The following MCM4 variants were observed in gnomAD, a reference collection of about 807,000 sequenced individuals.
The protein encoded by MCM4 is minichromosome maintenance complex component 4, also known as DNA replication licensing factor MCM4.
MCM4 carries 60 observed loss-of-function variants against 88.7 expected under a neutral mutation model. The ratio of observed to expected loss-of-function variants is 0.68; its 90% CI spans 0.55 to 0.84. MCM4 has a LOEUF of 0.84. Among genes scored for constraint, MCM4 ranks in the 40% least tolerant of loss-of-function variants. MCM4 has a pLI of 0.00. For missense variants in MCM4, 1,149 were observed against 1,105.5 expected (o/e 1.04, Z -0.56); for synonymous variants, 465 against 410.5 (o/e 1.13, Z -1.61).
Position 47,972,345 on chromosome 8 carries a change from G to A in MCM4, c.1929-512G>A, listed in dbSNP as rs529544029. Among the ~76,000 whole-genome samples the A allele has an allele frequency of 4.6e-5, 7 of 151,862 alleles. No homozygotes were observed. In the South Asian group the frequency reaches 1.0e-3, roughly 23 times the overall value. On this transcript the variant is annotated intron_variant, in intron 13 of 16. Coordinates refer to ENST00000649973, the MANE Select transcript of MCM4 (RefSeq NM_182746.3). ...TTGGTCCCCAGCCGTTCCCTGGGCC[G>A]ACCTAAGGACTAGGGACAGCACAGG...
intron 11 of MCM4, 97 bp downstream of exon 11, chr8:47,970,154 G>C: frequency 7.1e-7 from 1 of 1,403,896 alleles, no homozygotes; most frequent in Non-Finnish European, 9.7e-7. Context: ...CCGCCATAAA[G>C]GACAGAGTTG....
Position 47,962,768 on chromosome 8 carries a change from T to G in MCM4, c.506T>G (p.Phe169Cys). The G allele has an allele frequency of 1.3e-5, 20 of 1,596,738 alleles. No individual in the cohort carries two copies. Among genetic ancestry groups the G allele is most frequent in the Non-Finnish European group, 1.6e-5 (19 of 1,172,920 alleles). ...CAGTTTTCTCTCCACTTAAAGAGAT[T>G]TCTTCAGCGTTTTATTGACCCTCTG... ...VAACKENFQR[F>C]LQRFIDPLAK... is the part of the protein sequence containing the mutation. Residue 169 changes from phenylalanine (F) to cysteine (C), a missense_variant, in exon 6 of 17, where the codon TTT (phenylalanine) becomes TGT (cysteine). Around this residue, in one of 3 missense-constraint regions of MCM4, gnomAD observed 906 missense variants for 843.0 expected, o/e 1.07. Transcript: ENST00000649973.
chr8:47,971,162 C>T (rs1474371678), intron 12 of MCM4, among the ~76,000 whole-genome samples, 179 bp from the exon 13 acceptor site: 1 of 152,182 alleles, frequency 6.6e-6, no homozygotes, highest in African/African-American at 2.4e-5. Flanking sequence ...CAGTCCTTGG[C>T]ATGAATCTGA....
In MCM4 at chr8:47,970,647, A is replaced by G. The variant is rs750952241; in HGVS notation, c.1571A>G (p.Tyr524Cys). The G allele has an allele frequency of 6.2e-7, 1 of 1,614,192 alleles. No individual in the cohort carries two copies. Among genetic ancestry groups the G allele is most frequent in the Admixed American group, 1.7e-5 (1 of 60,016 alleles). ...TSKSQLLQYV[Y>C]NLVPRGQYTS... is the part of the protein sequence containing the mutation. Reference sequence around the variant, plus strand: ...AAGTCCCAGCTGCTGCAGTACGTGTACAACCTCGTCCCCAGGGGCCAGTAC... The same window carrying G: ...AAGTCCCAGCTGCTGCAGTACGTGTGCAACCTCGTCCCCAGGGGCCAGTAC... The change falls in exon 12 of 17, where the codon TAC becomes TGC. Residue 524 changes from tyrosine (Y) to cysteine (C), a missense_variant. By Grantham distance (194) the Tyr-to-Cys change is radical. Transcript: ENST00000649973.
intron 2 of MCM4, 72 bp from the exon 3 acceptor site, chr8:47,961,444 A>G: frequency 6.2e-7 from 1 of 1,610,664 alleles, no homozygotes; most frequent in Non-Finnish European, 8.5e-7. Context: ...ATAATGCCCC[A>G]AGGAAAAGAC....
rs2154504990 is a variant in MCM4 at position 47,962,053 on chromosome 8, C to T, written c.236C>T (p.Ala79Val). The change falls in exon 4 of 17, where the codon GCT becomes GTT. Residue 79 changes from alanine (A) to valine (V), a missense_variant and splice_region_variant. Physicochemically the swap from Ala to Val is moderately conservative, Grantham distance 64 (BLOSUM62 0). Around this residue, in one of 3 missense-constraint regions of MCM4, gnomAD observed 906 missense variants for 843.0 expected, o/e 1.07. Coordinates refer to ENST00000649973, the MANE Select transcript of MCM4 (RefSeq NM_182746.3). ...GAATTTCCTAATTTTGTTTTTATAG[C>T]TATCCCTCTTGACTTTGATGTTAGT... is the stretch of plus-strand genomic sequence containing the variant. ...FSSPPQMHSS[A>V]IPLDFDVSSP... is the part of the protein sequence containing the mutation. 3 of 1,613,854 alleles carry T rather than the reference C, an allele frequency of 1.9e-6. No individual in the cohort carries two copies. Among genetic ancestry groups the T allele is most frequent in the Non-Finnish European group, 1.7e-6 (2 of 1,179,872 alleles).
chr8:47,962,511 T>A, intron 5 of MCM4, 105 bp downstream of exon 5: 3 of 1,155,976 alleles, frequency 2.6e-6, no homozygotes, highest in Non-Finnish European at 3.8e-6. Flanking sequence ...GGGCCACCTG[T>A]GGTGGCTCAC....
In MCM4 at chr8:47,962,093, C is replaced by T. The variant is rs750765683; in HGVS notation, c.276C>T (p.Tyr92=). The change falls in exon 4 of 17, where the codon TAC becomes TAT. Residue 92 remains tyrosine, a synonymous_variant. Transcript: ENST00000649973. ...TTGATGTTAGTTCACCACTGACATA[C>T]GGCACTCCCAGCTCTCGGGTAGAGG... ...LDFDVSSPLT[Y]GTPSSRVEGT... The T allele has an allele frequency of 4.1e-5, 66 of 1,614,002 alleles. No individual in the cohort carries two copies. The highest frequency in any genetic ancestry group is 3.3e-4 in the East Asian group (15 of 44,902).
chr8:47,971,848 T>G (rs570416226), intron 13 of MCM4, among the ~76,000 whole-genome samples: 1 of 152,310 alleles, frequency 6.6e-6, no homozygotes, highest in Admixed American at 6.5e-5. Context: ...CATAAATGGA[T>G]TTTAGGTTTT....
Position 47,962,157 on chromosome 8 carries a change from CAG to C in MCM4, c.343_344del (p.Arg115AlafsTer2), listed in dbSNP as rs757404513. The part of the protein sequence containing the change: ...RSGVRGTPVR[Q>X]RPDLGSAQKG... ...TGGTGTTAGGGGCACACCTGTGAGACAGAGGCCTGACCTGGGCTCTGCACAGA... is the reference window on the plus strand; with the variant it reads ...TGGTGTTAGGGGCACACCTGTGAGACAGGCCTGACCTGGGCTCTGCACAGA... On this transcript the variant is annotated frameshift_variant, in exon 4 of 17. Transcript: ENST00000649973. LOFTEE classifies it high-confidence loss of function. The C allele has an allele frequency of 6.2e-7, 1 of 1,614,226 alleles. No individual in the cohort carries two copies. The highest frequency in any genetic ancestry group is 8.5e-7 in the Non-Finnish European group (1 of 1,180,038).
At chr8:47,970,486 T>G in intron 11 of MCM4, 25 bp from the exon 12 acceptor site, 2 of 1,573,900 alleles carry the variant, frequency 1.3e-6, no homozygotes, top group Non-Finnish European at 1.7e-6. Flanking sequence ...AAAATGAATG[T>G]TTAGACATGT....
In MCM4 at chr8:47,963,002, G is replaced by A; in HGVS notation, c.655G>A (p.Asp219Asn). 1 of 1,606,422 alleles carries A rather than the reference G, an allele frequency of 6.2e-7. No homozygotes were observed. ...NVNCEHIKSF[D>N]KNLYRQLISY... is the part of the protein sequence containing the mutation. ...GAACTGTGAACACATCAAATCATTT[G>A]ACAAAAATTTGTACAGACAACTCAT... The change falls in exon 7 of 17, where the codon GAC becomes AAC. Residue 219 changes from aspartate to asparagine, a missense_variant. By Grantham distance (23) the Asp-to-Asn change is conservative. Coordinates refer to ENST00000649973, the MANE Select transcript of MCM4 (RefSeq NM_182746.3).
chr8:47,967,502 G>C lies in MCM4; in HGVS notation c.1174+17G>C. ...ATGTTACAGGTAAGAGTGTAGGTTT[G>C]CACCAGCACTTGAGCATGTCTGGCT... On this transcript the variant is annotated intron_variant, in intron 10 of 16. Transcript: ENST00000649973. The C allele has an allele frequency of 6.2e-7, 1 of 1,613,886 alleles. No individual in the cohort carries two copies. Among genetic ancestry groups the C allele is most frequent in the Non-Finnish European group, 8.5e-7 (1 of 1,179,838 alleles).
At chr8:47,961,953 T>G in intron 3 of MCM4, 100 bp from the exon 4 acceptor site, 2 of 1,154,872 alleles carry the variant, frequency 1.7e-6, no homozygotes, top group East Asian at 4.7e-5. Context: ...GCAATAAATA[T>G]TCAGTTTGCT....
intron 10 of MCM4, 93 bp from the exon 11 acceptor site, chr8:47,969,705 G>C (rs1037428784): frequency 7.5e-7 from 1 of 1,325,156 alleles, no homozygotes; most frequent in Admixed American, 1.8e-5. Context: ...GTGGTGCCTC[G>C]CTCTGAAGTG....
intron 7 of MCM4, among the ~76,000 whole-genome samples, chr8:47,963,756 C>T (rs1349530596): frequency 6.6e-6 from 1 of 152,140 alleles, no homozygotes; most frequent in African/African-American, 2.4e-5. Context: ...GAAGTATCAG[C>T]TCTGTTGACT....
At chr8:47,973,507 T>C (rs940123873) in intron 14 of MCM4, among the ~76,000 whole-genome samples, 1 of 151,854 alleles carries the variant, frequency 6.6e-6, no homozygotes, top group Non-Finnish European at 1.5e-5. Context: ...TTTTTTTTTT[T>C]TGTGAGACGG....
intron 2 of MCM4, 113 bp downstream of exon 2, chr8:47,961,327 T>A (rs750381665): frequency 6.9e-6 from 10 of 1,450,572 alleles, no homozygotes; most frequent in African/African-American, 5.8e-5. Context: ...AGCCTCGGGC[T>A]GGGCGCTGCC....
At chr8:47,972,618 G>A (rs1401983370) in intron 13 of MCM4, among the ~76,000 whole-genome samples, 1 of 151,648 alleles carries the variant, frequency 6.6e-6, no homozygotes. Flanking sequence ...GTGCAGTGAC[G>A]CGAACTTGGC....
Sources: allele counts gnomAD v4.1 joint callset (sites outside exome capture counted in the v4.1 genomes callset), GRCh38; gene constraint gnomAD v4.1.1; regional missense constraint gnomAD v4.1.1; transcripts MANE v1.5; gene names NCBI Gene and HGNC (gene_info 2026-07-23, HGNC 2026-07-21).